The following KCNQ5 variants were observed in gnomAD, a reference collection of about 807,000 sequenced individuals.
KCNQ5 encodes the protein potassium voltage-gated channel subfamily KQT member 5.
A neutral mutation model predicts 98.2 loss-of-function variants in KCNQ5; 30 were observed. The observed-to-expected ratio is 0.31, with a 90% CI of 0.23 to 0.41. KCNQ5 has a LOEUF of 0.41. Among genes scored for constraint, KCNQ5 ranks in the 10% least tolerant of loss-of-function variants. The pLI is 1.00. For missense variants in KCNQ5, 835 were observed against 1,182.5 expected (o/e 0.71, Z 4.31); for synonymous variants, 458 against 449.4 (o/e 1.02, Z -0.24).
At chr6:72,824,887 G>A (rs1273276660) in intron 1 of KCNQ5, among the ~76,000 whole-genome samples, 1 of 152,036 alleles carries the variant, frequency 6.6e-6, no homozygotes, top group Non-Finnish European at 1.5e-5. Flanking sequence ...ACACAATTCT[G>A]TGATAATAAT....
intron 1 of KCNQ5, among the ~76,000 whole-genome samples, chr6:72,915,029 TACAATAATAATACAAGAACCAGA>T (rs1402451332): frequency 2.6e-5 from 4 of 151,986 alleles, no homozygotes; most frequent in Non-Finnish European, 5.9e-5. Context: ...GAGAGAAAGT[TACAATAATAATACAAGAACCAGA>T]ACATAGAACT....
intron 5 of KCNQ5, among the ~76,000 whole-genome samples, chr6:73,097,570 G>A (rs1774567766): frequency 6.6e-6 from 1 of 152,164 alleles, no homozygotes; most frequent in African/African-American, 2.4e-5. Context: ...CTAGTGCTGT[G>A]CTGGCTTCAG....
At chr6:72,665,777 G>A (rs1048538085) in intron 1 of KCNQ5, among the ~76,000 whole-genome samples, 2 of 152,096 alleles carry the variant, frequency 1.3e-5, no homozygotes, top group Non-Finnish European at 2.9e-5. Context: ...GTTATATAAC[G>A]CACACTCTGT....
intron 3 of KCNQ5, among the ~76,000 whole-genome samples, chr6:73,066,266 A>G (rs1773053673): frequency 6.6e-6 from 1 of 152,122 alleles, no homozygotes; most frequent in Admixed American, 6.5e-5. Flanking sequence ...TACTTCTTGG[A>G]ACTTCACATT....
intron 3 of KCNQ5, among the ~76,000 whole-genome samples, chr6:73,063,686 TGATA>T (rs1554203586): frequency 0.012 from 1,151 of 93,134 alleles, 27 homozygotes; most frequent in African/African-American, 0.043. Flanking sequence ...GATAGATAGA[TGATA>T]GATAGATAGA....
At chr6:72,720,479 G>A (rs551583185) in intron 1 of KCNQ5, among the ~76,000 whole-genome samples, 1 of 152,152 alleles carries the variant, frequency 6.6e-6, no homozygotes, top group South Asian at 2.1e-4. Flanking sequence ...TGGAAAAAGT[G>A]ATTGCAAAGG....
intron 1 of KCNQ5, among the ~76,000 whole-genome samples, chr6:72,876,781 T>C (rs1293868919): frequency 6.6e-6 from 1 of 152,190 alleles, no homozygotes; most frequent in East Asian, 1.9e-4. Context: ...AAAATAACCA[T>C]CTCAAACTGG....
chr6:72,774,589 A>C (rs967538232), intron 1 of KCNQ5, among the ~76,000 whole-genome samples: 11 of 151,902 alleles, frequency 7.2e-5, no homozygotes, highest in Admixed American at 3.9e-4. Flanking sequence ...TTCAACAAAG[A>C]ATTTATATCC....
intron 1 of KCNQ5, among the ~76,000 whole-genome samples, chr6:72,840,198 T>G (rs1776729699): frequency 6.6e-6 from 1 of 152,210 alleles, no homozygotes; most frequent in South Asian, 2.1e-4. Flanking sequence ...TTGACAATTG[T>G]GAGTAATGCT....
intron 1 of KCNQ5, among the ~76,000 whole-genome samples, chr6:72,732,649 G>T (rs1770617265): frequency 6.6e-6 from 1 of 152,192 alleles, no homozygotes; most frequent in Non-Finnish European, 1.5e-5. Context: ...ATGCTTGAGT[G>T]CAGGAATCAC....
chr6:72,950,836 TG>T (rs1766770100), intron 1 of KCNQ5, among the ~76,000 whole-genome samples: 4 of 152,224 alleles, frequency 2.6e-5, no homozygotes, highest in East Asian at 1.9e-4. Flanking sequence ...TGACGCTTTT[TG>T]CCTATCATGA....
At chr6:72,933,007 A>G (rs900333589) in intron 1 of KCNQ5, among the ~76,000 whole-genome samples, 5 of 152,214 alleles carry the variant, frequency 3.3e-5, no homozygotes, top group African/African-American at 1.2e-4. Context: ...TTTTTATAAA[A>G]CATTAATTAT....
intron 1 of KCNQ5, among the ~76,000 whole-genome samples, chr6:72,723,953 T>G (rs1355976405): frequency 6.6e-6 from 1 of 152,206 alleles, no homozygotes; most frequent in Non-Finnish European, 1.5e-5. Flanking sequence ...TGTTACATCT[T>G]CTGCACTTCC....
intron 1 of KCNQ5, among the ~76,000 whole-genome samples, chr6:72,698,843 G>C (rs1768654238): frequency 6.6e-6 from 1 of 151,468 alleles, no homozygotes; most frequent in Non-Finnish European, 1.5e-5. Flanking sequence ...TATTGTTGTA[G>C]AGATGGGGTC....
intron 6 of KCNQ5, among the ~76,000 whole-genome samples, chr6:73,106,312 C>T (rs1197971601): frequency 1.1e-4 from 16 of 152,172 alleles, no homozygotes; most frequent in Admixed American, 1.0e-3. Flanking sequence ...AGAAAAGAGA[C>T]TGAAAAGGCC....
chr6:73,035,601 G>T (rs1445217168), intron 2 of KCNQ5, among the ~76,000 whole-genome samples: 1 of 152,146 alleles, frequency 6.6e-6, no homozygotes, highest in Non-Finnish European at 1.5e-5. Context: ...CATCTCGACT[G>T]AATGTAACAG....
At chr6:72,863,615 G>C (rs937124872) in intron 1 of KCNQ5, among the ~76,000 whole-genome samples, 1 of 152,110 alleles carries the variant, frequency 6.6e-6, no homozygotes. Context: ...TTTAAAAATA[G>C]CTCATGATAG....
chr6:73,060,991 TCTA>T (rs1392141882), intron 3 of KCNQ5, among the ~76,000 whole-genome samples: 32 of 152,298 alleles, frequency 2.1e-4, no homozygotes, highest in African/African-American at 7.5e-4. Flanking sequence ...ACCCAGGAAG[TCTA>T]CTTCCTAATA....
At chr6:72,672,976 A>G (rs1767210323) in intron 1 of KCNQ5, among the ~76,000 whole-genome samples, 1 of 152,232 alleles carries the variant, frequency 6.6e-6, no homozygotes, top group Non-Finnish European at 1.5e-5. Context: ...AAACTACTCC[A>G]GTGAGCTAAT....
Sources: gnomAD v4.1 joint callset for allele counts (sites outside exome capture counted in the v4.1 genomes callset) on GRCh38, gnomAD v4.1.1 for gene constraint, MANE v1.5 for transcripts, NCBI Gene and HGNC (gene_info 2026-07-23, HGNC 2026-07-21) for gene names.